The following XIRP2 variants were observed in gnomAD, a reference collection of about 807,000 sequenced individuals.
The protein encoded by XIRP2 is xin actin-binding repeat-containing protein 2.
A neutral mutation model predicts 277.0 loss-of-function variants in XIRP2; 236 were observed. That is an observed-to-expected ratio of 0.85 (90% confidence interval 0.77 to 0.95). The LOEUF is 0.95. Among genes scored for constraint, XIRP2 ranks in the 40% least tolerant of loss-of-function variants. The pLI is 0.00. For missense variants in XIRP2, 4,640 were observed against 4,157.5 expected, an observed-to-expected ratio of 1.12 and a Z score of -3.19; for synonymous variants, 1,490 against 1,416.5, an observed-to-expected ratio of 1.05 and a Z score of -1.17.
intron 2 of XIRP2, among the ~76,000 whole-genome samples, chr2:166,957,807 TG>T (rs1338674930): frequency 2.0e-5 from 3 of 151,818 alleles, no homozygotes; most frequent in Non-Finnish European, 4.4e-5. Flanking sequence ...TTTATGTCAT[TG>T]ATTTTCACGT....
intron 3 of XIRP2, among the ~76,000 whole-genome samples, chr2:167,178,095 G>A (rs747030198): frequency 1.3e-5 from 2 of 151,106 alleles, no homozygotes; most frequent in Non-Finnish European, 3.0e-5. Flanking sequence ...TTGTAGAAAG[G>A]TGAAAAGTAT....
At chr2:167,242,316 T>A (rs1695096708) in intron 8 of XIRP2, among the ~76,000 whole-genome samples, 1 of 152,190 alleles carries the variant, frequency 6.6e-6, no homozygotes, top group Non-Finnish European at 1.5e-5. Context: ...CGATTATGTG[T>A]AAATTTTAAA....
intron 2 of XIRP2, among the ~76,000 whole-genome samples, chr2:166,910,082 T>G (rs1418003080): frequency 1.3e-5 from 2 of 152,188 alleles, no homozygotes; most frequent in African/African-American, 4.8e-5. Context: ...TCTTTTGTTG[T>G]TGTGTCTCTG....
At chr2:167,232,552 C>G (rs1480411969) in intron 5 of XIRP2, among the ~76,000 whole-genome samples, 1 of 151,906 alleles carries the variant, frequency 6.6e-6, no homozygotes, top group East Asian at 1.9e-4. Context: ...TCTAGTTTTA[C>G]TCAGTCTTTT....
chr2:166,933,037 A>G (rs1232688507), intron 2 of XIRP2, among the ~76,000 whole-genome samples: 5 of 151,932 alleles, frequency 3.3e-5, no homozygotes, highest in Non-Finnish European at 7.4e-5. Flanking sequence ...TCCTGTTTGC[A>G]TTTAACTTTA....
chr2:167,240,429 T>A (rs940644137), intron 6 of XIRP2, among the ~76,000 whole-genome samples: 1 of 151,990 alleles, frequency 6.6e-6, no homozygotes, highest in African/African-American at 2.4e-5. Context: ...AATAAATAAA[T>A]GAATGTAAAA....
rs1164477805 is a variant in XIRP2, at chr2:167,218,163, T to C, written c.724-3T>C. ...AATTTTCCTTTTTCTTAAATCATCCTAGATGATGGAAGAATCAGAAATGTG... is the reference window on the plus strand; with the variant it reads ...AATTTTCCTTTTTCTTAAATCATCCCAGATGATGGAAGAATCAGAAATGTG... On this transcript the variant is annotated splice_polypyrimidine_tract_variant and splice_region_variant and intron_variant, in intron 4 of 10. Transcript: ENST00000409195. 1.3e-6 allele frequency: 2 copies of C among 1,580,748 alleles called. No individual in the cohort carries two copies. The highest frequency in any genetic ancestry group is 1.8e-5 in the Admixed American group (1 of 54,118).
chr2:167,135,385 T>A (rs959658877), intron 2 of XIRP2, among the ~76,000 whole-genome samples: 12 of 152,160 alleles, frequency 7.9e-5, no homozygotes, highest in Non-Finnish European at 1.8e-4. Flanking sequence ...TCTGAAGAAG[T>A]AATTTCATAA....
intron 5 of XIRP2, among the ~76,000 whole-genome samples, chr2:167,223,030 A>G (rs1022798690): frequency 3.9e-5 from 6 of 152,168 alleles, no homozygotes; most frequent in African/African-American, 7.2e-5. Flanking sequence ...AGAAAGAAAC[A>G]TTGTACCTAT....
intron 2 of XIRP2, among the ~76,000 whole-genome samples, chr2:166,933,048 T>A (rs571510041): frequency 8.2e-4 from 124 of 152,070 alleles, no homozygotes; most frequent in Admixed American, 2.6e-3. Context: ...TTTAACTTTA[T>A]AAAATTATTT....
Position 167,244,516 on chromosome 2 carries a change from A to AT in XIRP2, c.3125dup (p.Ser1043IlefsTer18). ...TCATAAATTTCAAATAATTAGAGGA[A>AT]TATCTGCTCAAGAAATACAGACTGG... On this transcript the variant is annotated frameshift_variant, in exon 9 of 11. Transcript: ENST00000409195. LOFTEE classifies it high-confidence loss of function. The AT allele has an allele frequency of 6.2e-7, 1 of 1,613,670 alleles. No homozygotes were observed. Among genetic ancestry groups the AT allele is most frequent in the East Asian group, 2.2e-5 (1 of 44,816 alleles).
At chr2:166,944,024 C>A (rs535877859) in intron 2 of XIRP2, among the ~76,000 whole-genome samples, 2 of 152,282 alleles carry the variant, frequency 1.3e-5, no homozygotes, top group African/African-American at 4.8e-5. Flanking sequence ...TGGATGCTGG[C>A]AGCCTTTTCT....
At chr2:167,015,869 A>T (rs1392863158) in intron 2 of XIRP2, among the ~76,000 whole-genome samples, 1 of 151,664 alleles carries the variant, frequency 6.6e-6, no homozygotes, top group East Asian at 1.9e-4. Flanking sequence ...GACCACTCCT[A>T]GATCACTTAT....
chr2:167,070,020 A>G (rs893970180), intron 2 of XIRP2, among the ~76,000 whole-genome samples: 3 of 151,998 alleles, frequency 2.0e-5, no homozygotes, highest in African/African-American at 4.8e-5. Flanking sequence ...CATTCCAATC[A>G]TGTCTCAACT....
chr2:167,142,828 T>C (rs1488895279), intron 3 of XIRP2, among the ~76,000 whole-genome samples: 2 of 152,020 alleles, frequency 1.3e-5, no homozygotes, highest in Admixed American at 6.6e-5. Context: ...CTAGCAAGAC[T>C]GAGTTTAAGA....
At chr2:167,023,972 G>C (rs2105490213) in intron 2 of XIRP2, among the ~76,000 whole-genome samples, 1 of 152,178 alleles carries the variant, frequency 6.6e-6, no homozygotes, top group Non-Finnish European at 1.5e-5. Flanking sequence ...CTTTAAATTA[G>C]TTTTTTCCAA....
At chr2:167,214,729 G>A (rs1694193078) in intron 4 of XIRP2, among the ~76,000 whole-genome samples, 1 of 151,788 alleles carries the variant, frequency 6.6e-6, no homozygotes, top group African/African-American at 2.4e-5. Flanking sequence ...ACCATGCCCG[G>A]CTAATTTTTG....
intron 9 of XIRP2, among the ~76,000 whole-genome samples, chr2:167,252,622 G>T (rs959066241): frequency 2.6e-5 from 4 of 151,764 alleles, no homozygotes; most frequent in Admixed American, 2.0e-4. Context: ...TAAAAATTTT[G>T]ATTTTATTTG....
intron 2 of XIRP2, among the ~76,000 whole-genome samples, chr2:166,958,914 C>T (rs545213565): frequency 1.1e-4 from 17 of 151,846 alleles, no homozygotes; most frequent in African/African-American, 4.1e-4. Flanking sequence ...TTTTCGAGAA[C>T]GTCTATTCCA....
Sources: allele counts gnomAD v4.1 joint callset (sites outside exome capture counted in the v4.1 genomes callset), GRCh38; gene constraint gnomAD v4.1.1; transcripts MANE v1.5; gene names NCBI Gene and HGNC (gene_info 2026-07-23, HGNC 2026-07-21).